The following TXNDC8 variants were observed in gnomAD, a reference collection of about 807,000 sequenced individuals.
TXNDC8 encodes the protein thioredoxin domain containing 8.
TXNDC8 carries 15 observed loss-of-function variants against 12.9 expected under a neutral mutation model. The observed-to-expected ratio is 1.16, with a 90% CI of 0.78 to 1.79. The LOEUF is 1.79. Among genes scored for constraint, TXNDC8 ranks in the 40% most tolerant of loss-of-function variants. The pLI is 0.00. For synonymous variants in TXNDC8, 40 were observed against 35.4 expected (o/e 1.13, Z -0.46); for missense variants, 128 against 113.2 (o/e 1.13, Z -0.59).
chr9:110,314,425 CTTTTTCT>C lies in TXNDC8; in HGVS notation c.196-9900_196-9894del, dbSNP rs548538413. ...TTCTTTTTTTTCTTTTTTTCTTTTT[CTTTTTCT>C]TTTTTCTTTTTTTTTTTTGAGATGG... On this transcript the variant is annotated intron_variant, in intron 3 of 4. Coordinates refer to ENST00000423740, the MANE Select transcript of TXNDC8 (RefSeq NM_001286946.2). Among the ~76,000 whole-genome samples the C allele has an allele frequency of 1.0e-3, 143 of 142,964 alleles. No individual in the cohort carries two copies. The Middle Eastern group carries it at 0.014, about 14-fold the overall frequency. 93.8% of individuals were successfully genotyped at this position (142,964 alleles called of 152,430 possible).
At chr9:110,323,938 A>C (rs1364937065) in intron 3 of TXNDC8, 3 of 1,550,964 alleles carry the variant, frequency 1.9e-6, no homozygotes, top group African/African-American at 1.4e-5. Flanking sequence ...GCTTGACTGG[A>C]GTCAAGGGTC....
chr9:110,334,545 T>C (rs569211732), intron 1 of TXNDC8, among the ~76,000 whole-genome samples: 34 of 152,220 alleles, frequency 2.2e-4, no homozygotes, highest in Non-Finnish European at 4.4e-4. Context: ...TATCTGGCCA[T>C]GTTAGTTCTT....
chr9:110,328,718 A>G (rs968302132), intron 2 of TXNDC8, among the ~76,000 whole-genome samples: 2 of 152,242 alleles, frequency 1.3e-5, no homozygotes. Context: ...AGGCAGGAGA[A>G]TCACTTGAAC....
intron 1 of TXNDC8, among the ~76,000 whole-genome samples, 187 bp from the exon 2 acceptor site, chr9:110,334,507 G>A (rs904222199): frequency 6.6e-6 from 1 of 152,154 alleles, no homozygotes; most frequent in Non-Finnish European, 1.5e-5. Context: ...GCTTCCCAAA[G>A]TGCTGGGATT....
intron 3 of TXNDC8, among the ~76,000 whole-genome samples, chr9:110,304,906 G>A (rs555869477): frequency 3.9e-5 from 6 of 152,116 alleles, no homozygotes; most frequent in African/African-American, 1.4e-4. Context: ...TGAGCACCTC[G>A]GGAGGCTGAG....
downstream of TXNDC8, among the ~76,000 whole-genome samples, chr9:110,301,326 G>T (rs1838267739): frequency 6.6e-6 from 1 of 152,164 alleles, no homozygotes; most frequent in Admixed American, 6.5e-5. Context: ...GTTAAATGAG[G>T]TAATGAATGC....
intron 3 of TXNDC8, among the ~76,000 whole-genome samples, chr9:110,305,604 T>TTC (rs1301872043): frequency 0.013 from 1,724 of 128,974 alleles, 61 homozygotes; most frequent in African/African-American, 0.06. Context: ...CTTTCTTTCT[T>TTC]TCTTTCTTTT....
intron 3 of TXNDC8, among the ~76,000 whole-genome samples, chr9:110,313,771 C>T (rs1212816131): frequency 6.6e-6 from 1 of 152,098 alleles, no homozygotes; most frequent in African/African-American, 2.4e-5. Context: ...CAGGATTGTT[C>T]TTTTGTTTGT....
chr9:110,312,525 A>G (rs1838727064), intron 3 of TXNDC8, among the ~76,000 whole-genome samples: 1 of 152,230 alleles, frequency 6.6e-6, no homozygotes. Context: ...CCCCAAGTTT[A>G]TCATGGAACC....
At chr9:110,322,522 A>C in intron 3 of TXNDC8, 1 of 985,438 alleles carries the variant, frequency 1.0e-6, no homozygotes, top group Non-Finnish European at 1.2e-6. Context: ...TTCCATCCCC[A>C]TACAGAATTG....
chr9:110,305,562 CTT>C (rs917961258), intron 3 of TXNDC8, among the ~76,000 whole-genome samples: 5 of 126,976 alleles, frequency 3.9e-5, no homozygotes, highest in African/African-American at 1.4e-4. Flanking sequence ...TTCTTTCTTT[CTT>C]TCTTTCTTTC....
intron 2 of TXNDC8, among the ~76,000 whole-genome samples, chr9:110,331,231 C>G (rs369844724): frequency 2.9e-4 from 44 of 152,282 alleles, no homozygotes; most frequent in African/African-American, 1.0e-3. Flanking sequence ...GTGCTAGAGG[C>G]AAGCAGTGGT....
chr9:110,306,481 A>T (rs1190140183), intron 3 of TXNDC8, among the ~76,000 whole-genome samples: 1 of 151,980 alleles, frequency 6.6e-6, no homozygotes, highest in African/African-American at 2.4e-5. Flanking sequence ...TTTCCCCATC[A>T]CCATACAATC....
intron 2 of TXNDC8, among the ~76,000 whole-genome samples, chr9:110,330,020 G>A (rs1839489102): frequency 6.6e-6 from 1 of 152,182 alleles, no homozygotes; most frequent in African/African-American, 2.4e-5. Context: ...GTGGGTCTAG[G>A]GGAAGAGGAA....
At chr9:110,318,264 T>C (rs952540019) in intron 3 of TXNDC8, among the ~76,000 whole-genome samples, 1 of 152,214 alleles carries the variant, frequency 6.6e-6, no homozygotes, top group African/African-American at 2.4e-5. Context: ...ACTCCATCAA[T>C]GCATATCTTT....
At position 110,303,579 on chromosome 9, in the gene TXNDC8, A is replaced by G. The variant is rs1838318352; in HGVS notation, c.*103T>C. 6.5e-7 allele frequency: 1 copy of G among 1,545,044 alleles called. No homozygotes were observed. On this transcript the variant is annotated 3_prime_UTR_variant, in exon 5 of 5. Transcript: ENST00000423740. ...TTTAGCATCGGCTCCACAAAACTCA[A>G]AAATCTGTTCACAAATGCACAAAGG...
chr9:110,319,500 T>A (rs1452546180), intron 3 of TXNDC8, among the ~76,000 whole-genome samples: 1 of 152,192 alleles, frequency 6.6e-6, no homozygotes, highest in Non-Finnish European at 1.5e-5. Context: ...ATAGGTGGTG[T>A]CCTCATTTTA....
chr9:110,327,799 A>T (rs1243355290), intron 2 of TXNDC8, among the ~76,000 whole-genome samples: 1 of 152,116 alleles, frequency 6.6e-6, no homozygotes, highest in Admixed American at 6.6e-5. Context: ...TGGAGGATGG[A>T]GGGAATTGGG....
At chr9:110,337,061 G>A (rs1478329681) in intron 1 of TXNDC8, among the ~76,000 whole-genome samples, 1 of 152,128 alleles carries the variant, frequency 6.6e-6, no homozygotes, top group African/African-American at 2.4e-5. Flanking sequence ...TTTCAATCTG[G>A]TCAGTGTCAT....
Sources: gnomAD v4.1 joint callset for allele counts (sites outside exome capture counted in the v4.1 genomes callset) on GRCh38, gnomAD v4.1.1 for gene constraint, MANE v1.5 for transcripts, NCBI Gene and HGNC (gene_info 2026-07-23, HGNC 2026-07-21) for gene names.